The following STXBP5L variants were observed in gnomAD, a reference collection of about 807,000 sequenced individuals.
The protein encoded by STXBP5L is syntaxin-binding protein 5-like.
In STXBP5L, 65 loss-of-function variants were observed where a neutral mutation model predicts 144.5. The observed-to-expected ratio is 0.45, with a 90% CI of 0.37 to 0.55. The LOEUF is 0.55. Among genes scored for constraint, STXBP5L ranks in the 20% least tolerant of loss-of-function variants. STXBP5L has a pLI of 0.00. For missense variants in STXBP5L, 1,298 were observed against 1,405.5 expected (o/e 0.92, Z 1.22); for synonymous variants, 505 against 469.6 (o/e 1.08, Z -0.97).
intron 22 of STXBP5L, among the ~76,000 whole-genome samples, chr3:121,397,829 A>C (rs2046769563): frequency 6.6e-6 from 1 of 152,230 alleles, no homozygotes. Context: ...AAATATAACT[A>C]CTTTGATATA....
intron 5 of STXBP5L, among the ~76,000 whole-genome samples, chr3:121,066,092 T>C (rs1209450807): frequency 1.3e-5 from 2 of 152,124 alleles, no homozygotes; most frequent in Non-Finnish European, 2.9e-5. Flanking sequence ...TTCTATTAGC[T>C]AAAAGGAAAT....
At chr3:121,394,223 C>G (rs528694523) in intron 22 of STXBP5L, among the ~76,000 whole-genome samples, 1 of 152,052 alleles carries the variant, frequency 6.6e-6, no homozygotes, top group Non-Finnish European at 1.5e-5. Context: ...TCAGCTTGAT[C>G]ATTATTAGTG....
At chr3:121,326,622 C>T (rs1412110515) in intron 20 of STXBP5L, among the ~76,000 whole-genome samples, 2 of 152,088 alleles carry the variant, frequency 1.3e-5, no homozygotes, top group Middle Eastern at 3.4e-3. Flanking sequence ...GATTATGTTG[C>T]TTAGTGGAAA....
chr3:120,999,318 G>A (rs1943590992), intron 3 of STXBP5L, among the ~76,000 whole-genome samples: 1 of 152,146 alleles, frequency 6.6e-6, no homozygotes, highest in Non-Finnish European at 1.5e-5. Context: ...CTTCCAAAGT[G>A]CTGAGATTAC....
intron 20 of STXBP5L, among the ~76,000 whole-genome samples, chr3:121,365,593 T>C (rs2045842351): frequency 6.6e-6 from 1 of 151,800 alleles, no homozygotes; most frequent in Admixed American, 6.6e-5. Context: ...AAATTCTTTT[T>C]ATTTCCGTAG....
chr3:121,059,015 G>C (rs1450107357), intron 5 of STXBP5L, among the ~76,000 whole-genome samples: 1 of 152,100 alleles, frequency 6.6e-6, no homozygotes, highest in Non-Finnish European at 1.5e-5. Flanking sequence ...TGTTTCCATT[G>C]CTTTTGGTGT....
intron 20 of STXBP5L, chr3:121,357,630 G>T (rs373808479): frequency 6.6e-6 from 1 of 152,182 alleles, no homozygotes; most frequent in Non-Finnish European, 1.5e-5. Flanking sequence ...ATGCTTCAGA[G>T]TGCAGATTTC....
At position 120,986,945 on chromosome 3, in the gene STXBP5L, G is replaced by C. The variant is rs574658875; in HGVS notation, c.287+31908G>C. 3.3e-5 allele frequency among the ~76,000 whole-genome samples: 5 copies of C among 152,032 alleles called. No individual in the cohort carries two copies. In the East Asian group the frequency reaches 9.7e-4, roughly 29 times the overall value. Reference sequence around the variant, plus strand: ...AGTGAATGGAACAGAAGGGACCTGTGGGACACCATCAAGTGGACCAACATG... The same window carrying C: ...AGTGAATGGAACAGAAGGGACCTGTCGGACACCATCAAGTGGACCAACATG... On this transcript the variant is annotated intron_variant, in intron 3 of 26. Coordinates refer to ENST00000471454, the MANE Select transcript of STXBP5L (RefSeq NM_001308330.2).
chr3:121,169,583 A>G (rs1341729700), intron 9 of STXBP5L, among the ~76,000 whole-genome samples: 1 of 152,340 alleles, frequency 6.6e-6, no homozygotes, highest in East Asian at 1.9e-4. Flanking sequence ...ACCAACAAAG[A>G]TCAAAAGAGA....
intron 3 of STXBP5L, among the ~76,000 whole-genome samples, chr3:121,029,872 T>A (rs1447023854): frequency 6.6e-5 from 10 of 151,086 alleles, no homozygotes; most frequent in African/African-American, 2.4e-4. Context: ...GCAAAGGATA[T>A]GAACAGAGAC....
chr3:120,980,202 G>C (rs1420827174), intron 3 of STXBP5L, among the ~76,000 whole-genome samples: 1 of 152,098 alleles, frequency 6.6e-6, no homozygotes, highest in Admixed American at 6.5e-5. Context: ...GTGGTTGTTG[G>C]CTAGAATGTT....
chr3:121,186,594 A>AT (rs1380119000), intron 9 of STXBP5L, among the ~76,000 whole-genome samples: 39 of 152,306 alleles, frequency 2.6e-4, no homozygotes, highest in African/African-American at 7.9e-4. Flanking sequence ...GCTGGATTAC[A>AT]TTTTTTGATT....
intron 8 of STXBP5L, among the ~76,000 whole-genome samples, chr3:121,153,676 A>G (rs192703512): frequency 6.6e-6 from 1 of 152,042 alleles, no homozygotes; most frequent in Admixed American, 6.6e-5. Context: ...CACCTATTTC[A>G]TAAGCTGCAC....
At chr3:121,313,134 G>C (rs1419197177) in intron 19 of STXBP5L, among the ~76,000 whole-genome samples, 12 of 143,152 alleles carry the variant, frequency 8.4e-5, no homozygotes, top group African/African-American at 2.6e-4. Context: ...TGGCCAGGCA[G>C]AGGGGTCCTC....
chr3:121,418,204 T>C, intron 25 of STXBP5L, 133 bp from the exon 26 acceptor site: 1 of 1,039,034 alleles, frequency 9.6e-7, no homozygotes, highest in Non-Finnish European at 1.4e-6. Flanking sequence ...CATATATGAC[T>C]GGACCAAATA....
At chr3:120,974,074 G>C (rs56034721) in intron 3 of STXBP5L, among the ~76,000 whole-genome samples, 1 of 152,228 alleles carries the variant, frequency 6.6e-6, no homozygotes, top group African/African-American at 2.4e-5. Context: ...GGATGGCTGG[G>C]TCAAATGGTA....
intron 7 of STXBP5L, among the ~76,000 whole-genome samples, chr3:121,142,735 G>A (rs1301882620): frequency 6.6e-6 from 1 of 151,790 alleles, no homozygotes; most frequent in Admixed American, 6.6e-5. Context: ...AAAATTATGG[G>A]ATGCAGCAAA....
intron 20 of STXBP5L, among the ~76,000 whole-genome samples, chr3:121,370,887 T>G (rs1465052335): frequency 2.0e-5 from 3 of 152,212 alleles, no homozygotes; most frequent in Non-Finnish European, 4.4e-5. Flanking sequence ...GCACTGGCTG[T>G]TTTGTCTGTC....
At chr3:121,237,430 A>C (rs2049517760) in intron 12 of STXBP5L, among the ~76,000 whole-genome samples, 1 of 152,150 alleles carries the variant, frequency 6.6e-6, no homozygotes. Flanking sequence ...CCCCAAAACC[A>C]TTCTGTTCTC....
Sources: gnomAD v4.1 joint callset for allele counts (sites outside exome capture counted in the v4.1 genomes callset) on GRCh38, gnomAD v4.1.1 for gene constraint, MANE v1.5 for transcripts, NCBI Gene and HGNC (gene_info 2026-07-23, HGNC 2026-07-21) for gene names.